SAMD4B: variants seen among roughly 807,000 people sequenced by gnomAD.
The protein encoded by SAMD4B is sterile alpha motif domain containing 4B.
SAMD4B carries 5 observed loss-of-function variants against 74.5 expected under a neutral mutation model. The ratio of observed to expected loss-of-function variants is 0.07; its 90% CI spans 0.04 to 0.14. The LOEUF (loss-of-function observed/expected upper bound fraction) is 0.14, where lower values mean the gene tolerates loss of function less well. Among genes scored for constraint, SAMD4B ranks in the 10% least tolerant of loss-of-function variants. The probability of loss-of-function intolerance (pLI) is 1.00; values close to 1 mark genes in which losing one functional copy is unlikely to be tolerated. For missense variants in SAMD4B, 608 were observed against 921.8 expected, an observed-to-expected ratio of 0.66 and a Z score of 4.41; for synonymous variants, 373 against 374.9, an observed-to-expected ratio of 1.00 and a Z score of 0.06.
intron 10 of SAMD4B, 22 bp from the exon 11 acceptor site, chr19:39,380,565 C>A: frequency 6.2e-7 from 1 of 1,613,670 alleles, no homozygotes; most frequent in Non-Finnish European, 8.5e-7. Flanking sequence ...AAATTAACAC[C>A]CTGCCTTCTG....
At chr19:39,358,615 A>AT (rs2076473033) in intron 3 of SAMD4B, among the ~76,000 whole-genome samples, 1 of 151,900 alleles carries the variant, frequency 6.6e-6, no homozygotes. Context: ...AAAAAAAAAA[A>AT]GAAAAGGAAA....
chr19:39,343,774 C>T (rs541514822), intron 1 of SAMD4B, among the ~76,000 whole-genome samples: 1 of 152,048 alleles, frequency 6.6e-6, no homozygotes, highest in East Asian at 1.9e-4. Flanking sequence ...TTCCAGTCCC[C>T]CACATCACAC....
Position 39,385,272 on chromosome 19 carries a change from C to G in SAMD4B, c.*1745C>G, listed in dbSNP as rs578087675. 63 of 338,816 alleles carry G rather than the reference C, an allele frequency of 1.9e-4. No individual in the cohort carries two copies. The highest frequency in any genetic ancestry group is 3.7e-5 in the Non-Finnish European group (7 of 188,858). 21.0% of individuals were successfully genotyped at this position (338,816 alleles called of 1,614,324 possible). A position where few individuals can be genotyped will look rare whatever the true frequency, so the allele number is the denominator to read the frequency against. Reference sequence around the variant, plus strand: ...AGGAAGTGGGATGGATGGGCCACCTCGTTTGGAATCAGCAGGGTGTCCCTC... The same window carrying G: ...AGGAAGTGGGATGGATGGGCCACCTGGTTTGGAATCAGCAGGGTGTCCCTC... On this transcript the variant is annotated 3_prime_UTR_variant, in exon 14 of 14. Transcript: ENST00000610417.
rs536477280 is a variant in SAMD4B, at chr19:39,384,367, G to A, written c.*840G>A. ...CGGATGAAGAGGTTGGAGGTGGGCA[G>A]CCAGGGTAGCCAGTGAGGTCAGGAA... On this transcript the variant is annotated 3_prime_UTR_variant, in exon 14 of 14. Transcript: ENST00000610417. 2.0e-5 allele frequency: 3 copies of A among 152,704 alleles called. No homozygotes were observed. The highest frequency in any genetic ancestry group is 7.2e-5 in the African/African-American group (3 of 41,536). The allele number at this position is 152,704 out of a possible 1,614,324, so 9.5% of individuals were successfully genotyped here.
Position 39,378,763 on chromosome 19 carries a change from C to T in SAMD4B, c.1530+174C>T, listed in dbSNP as rs373877923. Among the ~76,000 whole-genome samples, 7 of 152,320 alleles carry T rather than the reference C, an allele frequency of 4.6e-5. No individual in the cohort carries two copies. Among genetic ancestry groups the T allele is most frequent in the East Asian group, 3.9e-4 (2 of 5,182 alleles). On this transcript the variant is annotated intron_variant, in intron 9 of 13. Coordinates refer to ENST00000610417, the MANE Select transcript of SAMD4B (RefSeq NM_001384574.2). The surrounding 1 kb of genome is among the most constrained non-coding windows in gnomAD (Gnocchi z 4.4). ...TTTACTAAAAATACAAAAAATTAGCCGGGCGTGGTGGCAGGTGCCTGCAGT... is the reference window on the plus strand; with the variant it reads ...TTTACTAAAAATACAAAAAATTAGCTGGGCGTGGTGGCAGGTGCCTGCAGT...
intron 4 of SAMD4B, among the ~76,000 whole-genome samples, chr19:39,371,816 CA>C (rs35567892): frequency 0.22 from 26,955 of 124,420 alleles, 5,189 homozygotes; most frequent in African/African-American, 0.53. Context: ...GACCCCATCT[CA>C]AAAAAAAAAA....
intron 1 of SAMD4B, among the ~76,000 whole-genome samples, chr19:39,343,516 C>G (rs984141240): frequency 2.0e-5 from 3 of 150,274 alleles, no homozygotes; most frequent in African/African-American, 7.4e-5. Context: ...TCCCCCTTCA[C>G]GTATCCCTCT....
At position 39,379,985 on chromosome 19, in the gene SAMD4B, A is replaced by G; in HGVS notation, c.1550A>G (p.Lys517Arg). The change falls in exon 10 of 14, where the codon AAG (lysine) becomes AGG (arginine). Residue 517 changes from lysine to arginine, a missense_variant. Physicochemically the swap from Lys to Arg is conservative, Grantham distance 26. Coordinates refer to ENST00000610417, the MANE Select transcript of SAMD4B (RefSeq NM_001384574.2). ...LTHEAFTETQ[K>R]KRLLSWKQQV... ...TTCTAGGCTTTCACGGAGACGCAGA[A>G]GAAACGGCTGCTATCCTGGAAACAG... is the stretch of plus-strand genomic sequence containing the variant. The G allele has an allele frequency of 6.2e-7, 1 of 1,614,036 alleles. No individual in the cohort carries two copies. Among genetic ancestry groups the G allele is most frequent in the Non-Finnish European group, 8.5e-7 (1 of 1,179,950 alleles).
intron 3 of SAMD4B, among the ~76,000 whole-genome samples, chr19:39,360,840 G>GC (rs959187747): frequency 6.6e-6 from 1 of 152,098 alleles, no homozygotes; most frequent in African/African-American, 2.4e-5. Context: ...CCAGATTTCT[G>GC]CCCCCCATAG....
rs986086188 is a variant in SAMD4B, at chr19:39,375,082, C to T, written c.668-568C>T. Among the ~76,000 whole-genome samples the T allele has an allele frequency of 3.3e-5, 5 of 152,134 alleles. No homozygotes were observed. In the East Asian group the frequency reaches 5.8e-4, roughly 18 times the overall value. ...AGGAAGAAAGAGCAAGTCCAGAAGT[C>T]CTGAGGCTGGAACAACCTTGAGTGT... On this transcript the variant is annotated intron_variant, in intron 4 of 13. Coordinates refer to ENST00000610417, the MANE Select transcript of SAMD4B (RefSeq NM_001384574.2). The surrounding 1 kb of genome is among the most constrained non-coding windows in gnomAD (Gnocchi z 4.1).
At chr19:39,355,164 T>G (rs2076273325) in intron 2 of SAMD4B, among the ~76,000 whole-genome samples, 1 of 152,210 alleles carries the variant, frequency 6.6e-6, no homozygotes, top group East Asian at 1.9e-4. Flanking sequence ...AGAGCCACCA[T>G]GCTTGACCTT....
chr19:39,390,252 G>A, downstream of SAMD4B: 1 of 1,613,854 alleles, frequency 6.2e-7, no homozygotes, highest in African/African-American at 1.3e-5. Flanking sequence ...AAGCACAGTG[G>A]GGCTCACCTC....
Position 39,382,953 on chromosome 19 carries a change from G to A in SAMD4B, c.1973-255G>A, listed in dbSNP as rs533554315. Among the ~76,000 whole-genome samples the A allele has an allele frequency of 3.3e-5, 5 of 152,242 alleles. No individual in the cohort carries two copies. In the South Asian group the frequency reaches 1.0e-3, roughly 32 times the overall value. ...CACAGCAGGCTGTGTGTGGCCTCCA[G>A]GAGCTCCTTCAGTTTCAATTCCACT... On this transcript the variant is annotated intron_variant, in intron 12 of 13. Transcript: ENST00000610417.
intron 3 of SAMD4B, among the ~76,000 whole-genome samples, chr19:39,360,911 T>C (rs1600539518): frequency 6.6e-6 from 1 of 152,104 alleles, no homozygotes; most frequent in Non-Finnish European, 1.5e-5. Flanking sequence ...GTTCTTCTGC[T>C]CACCAGGCAG....
chr19:39,358,713 G>A (rs552464357), intron 3 of SAMD4B, among the ~76,000 whole-genome samples: 1 of 152,278 alleles, frequency 6.6e-6, no homozygotes, highest in African/African-American at 2.4e-5. Flanking sequence ...TGCCTGACAT[G>A]TAGTAAACAA....
chr19:39,361,314 G>A (rs1019830379), intron 3 of SAMD4B, among the ~76,000 whole-genome samples: 1 of 152,104 alleles, frequency 6.6e-6, no homozygotes, highest in Non-Finnish European at 1.5e-5. Flanking sequence ...TGGTTCACTA[G>A]TCCCCAGTTA....
At chr19:39,342,956 G>C (rs980523605) in intron 1 of SAMD4B, among the ~76,000 whole-genome samples, 2 of 148,792 alleles carry the variant, frequency 1.3e-5, no homozygotes, top group Non-Finnish European at 3.0e-5. Context: ...CCCCTCCCGT[G>C]GAGTCGCCTC....
At chr19:39,388,736 C>T (rs369365677), downstream of SAMD4B, 22 of 1,608,068 alleles carry the variant, frequency 1.4e-5, no homozygotes, top group African/African-American at 2.4e-4. Context: ...AAGGAGCAGG[C>T]CAAGGTGGAC....
intron 8 of SAMD4B, 88 bp downstream of exon 8, chr19:39,377,912 G>A: frequency 7.8e-7 from 1 of 1,288,112 alleles, no homozygotes; most frequent in Non-Finnish European, 1.1e-6. Flanking sequence ...GTTCGATGGT[G>A]GGAGCAGGGC....
Sources: gnomAD v4.1 joint callset for allele counts (sites outside exome capture counted in the v4.1 genomes callset) on GRCh38, gnomAD v4.1.1 for gene constraint, Gnocchi (gnomAD v3.1) non-coding constraint, MANE v1.5 for transcripts, NCBI Gene and HGNC (gene_info 2026-07-23, HGNC 2026-07-21) for gene names.